The following KCNMB2 variants were observed in gnomAD, a reference collection of about 807,000 sequenced individuals.
KCNMB2 encodes potassium calcium-activated channel subfamily M regulatory beta subunit 2.
In KCNMB2, 9 loss-of-function variants were observed where a neutral mutation model predicts 24.5. That is an observed-to-expected ratio of 0.37 (90% CI 0.22 to 0.64). KCNMB2 has a LOEUF of 0.64. KCNMB2 is among the 30% of genes least tolerant of loss of function. KCNMB2 has a pLI of 0.63. For synonymous variants in KCNMB2, 109 were observed against 104.4 expected (o/e 1.04, Z -0.27); for missense variants, 226 against 284.3 (o/e 0.79, Z 1.47).
intron 1 of KCNMB2, among the ~76,000 whole-genome samples, chr3:178,801,169 CTAAA>C (rs1490298679): frequency 6.6e-6 from 1 of 151,866 alleles, no homozygotes; most frequent in Non-Finnish European, 1.5e-5. Flanking sequence ...TTTAAAATAA[CTAAA>C]AGAGTAATAA....
chr3:178,776,491 T>TA (rs2108426650), intron 1 of KCNMB2, among the ~76,000 whole-genome samples: 1 of 152,304 alleles, frequency 6.6e-6, no homozygotes, highest in Non-Finnish European at 1.5e-5. Context: ...AATATGTAAA[T>TA]ATGATCGAGT....
intron 1 of KCNMB2, among the ~76,000 whole-genome samples, chr3:178,585,401 CACTAG>C: frequency 6.6e-6 from 1 of 152,326 alleles, no homozygotes; most frequent in Middle Eastern, 3.4e-3. Context: ...CCATCCCTTT[CACTAG>C]ACTAGAGAAC....
intron 1 of KCNMB2, among the ~76,000 whole-genome samples, chr3:178,662,724 AT>A (rs1720578840): frequency 6.6e-6 from 1 of 152,152 alleles, no homozygotes; most frequent in African/African-American, 2.4e-5. Flanking sequence ...TAATTTAATG[AT>A]TTTTAATTAT....
intron 1 of KCNMB2, among the ~76,000 whole-genome samples, chr3:178,769,627 AT>A (rs1712263396): frequency 6.6e-6 from 1 of 152,220 alleles, no homozygotes; most frequent in African/African-American, 2.4e-5. Flanking sequence ...AAAAATGTTG[AT>A]TCTCCCCAAA....
intron 1 of KCNMB2, among the ~76,000 whole-genome samples, chr3:178,555,206 G>T (rs559845913): frequency 5.2e-4 from 79 of 152,274 alleles, no homozygotes; most frequent in Non-Finnish European, 8.8e-4. Context: ...AGACTGAACA[G>T]AACATCTTAC....
intron 1 of KCNMB2, among the ~76,000 whole-genome samples, chr3:178,566,928 A>G (rs1186592783): frequency 6.6e-6 from 1 of 152,232 alleles, no homozygotes; most frequent in African/African-American, 2.4e-5. Context: ...ATTGAGAAGC[A>G]TTCATTTAAA....
chr3:178,705,181 T>C (rs1271439599), intron 1 of KCNMB2, among the ~76,000 whole-genome samples: 2 of 152,098 alleles, frequency 1.3e-5, no homozygotes, highest in African/African-American at 4.8e-5. Context: ...TACATCCCTA[T>C]ACAGCCCTTC....
At chr3:178,692,012 A>C (rs1393335904) in intron 1 of KCNMB2, among the ~76,000 whole-genome samples, 1 of 152,008 alleles carries the variant, frequency 6.6e-6, no homozygotes, top group Non-Finnish European at 1.5e-5. Context: ...AATGATGTTG[A>C]GCTTTTCTTC....
chr3:178,568,470 A>G (rs1716604556), intron 1 of KCNMB2, among the ~76,000 whole-genome samples: 1 of 152,200 alleles, frequency 6.6e-6, no homozygotes, highest in Non-Finnish European at 1.5e-5. Context: ...CATAAATGCC[A>G]GTGATATCTT....
At chr3:178,615,786 C>T (rs1017219391) in intron 1 of KCNMB2, among the ~76,000 whole-genome samples, 2 of 152,290 alleles carry the variant, frequency 1.3e-5, no homozygotes, top group Admixed American at 1.3e-4. Context: ...TGTGCTGGAG[C>T]CTGAAGACAA....
At chr3:178,829,168 GT>G (rs1252826770) in intron 4 of KCNMB2, among the ~76,000 whole-genome samples, 1 of 152,062 alleles carries the variant, frequency 6.6e-6, no homozygotes, top group Non-Finnish European at 1.5e-5. Flanking sequence ...AATATATTGA[GT>G]TTTGGATTTG....
At chr3:178,616,191 C>T (rs1718699739) in intron 1 of KCNMB2, among the ~76,000 whole-genome samples, 1 of 152,136 alleles carries the variant, frequency 6.6e-6, no homozygotes, top group South Asian at 2.1e-4. Flanking sequence ...CTTAGTAAGT[C>T]GGGTGCCCCC....
chr3:178,744,914 T>C (rs1021231773), intron 1 of KCNMB2, among the ~76,000 whole-genome samples: 4 of 152,188 alleles, frequency 2.6e-5, no homozygotes, highest in South Asian at 2.1e-4. Flanking sequence ...TGGAAGGTAA[T>C]GGTGAACAAG....
At chr3:178,700,908 C>T (rs1722067957) in intron 1 of KCNMB2, among the ~76,000 whole-genome samples, 1 of 152,128 alleles carries the variant, frequency 6.6e-6, no homozygotes, top group African/African-American at 2.4e-5. Context: ...CTGTAGGTTG[C>T]CTGTTCACTC....
At chr3:178,539,852 A>C (rs1433222138) in intron 1 of KCNMB2, among the ~76,000 whole-genome samples, 2 of 152,004 alleles carry the variant, frequency 1.3e-5, no homozygotes, top group Non-Finnish European at 2.9e-5. Context: ...TAAACCTTTA[A>C]ATATTGGAGT....
At chr3:178,611,709 A>AAAACAAACAAAC (rs939774233) in intron 1 of KCNMB2, among the ~76,000 whole-genome samples, 6 of 152,064 alleles carry the variant, frequency 3.9e-5, no homozygotes, top group African/African-American at 1.2e-4. Flanking sequence ...TGTCTCACAA[A>AAAACAAACAAAC]AAACAAACAA....
intron 1 of KCNMB2, among the ~76,000 whole-genome samples, chr3:178,755,160 T>C (rs902870575): frequency 1.3e-5 from 2 of 152,138 alleles, no homozygotes; most frequent in Non-Finnish European, 2.9e-5. Flanking sequence ...CTCCTCCATC[T>C]GGGGCAGCAG....
chr3:178,616,554 G>A (rs916550193), intron 1 of KCNMB2, among the ~76,000 whole-genome samples: 6 of 152,292 alleles, frequency 3.9e-5, no homozygotes, highest in Admixed American at 6.5e-5. Flanking sequence ...GAGGAGGGGC[G>A]ACATCTACAA....
rs115931198 is a variant in KCNMB2, at chr3:178,715,618, G to A, written c.-67-91725G>A. Among the ~76,000 whole-genome samples the A allele has an allele frequency of 1.5e-3, 226 of 152,240 alleles. 2 individuals are homozygous for A. Among genetic ancestry groups the A allele is most frequent in the Non-Finnish European group, 2.3e-3 (154 of 68,020 alleles). The stretch of plus-strand genomic sequence containing the variant: ...GTTTCTGAGTCCTACTGTAAATCAA[G>A]CATATCTGGAAACCACACCATACTG... On this transcript the variant is annotated intron_variant, in intron 1 of 4. Coordinates refer to ENST00000452583, the MANE Select transcript of KCNMB2 (RefSeq NM_181361.3).
Sources: gnomAD v4.1 joint callset for allele counts (sites outside exome capture counted in the v4.1 genomes callset) on GRCh38, gnomAD v4.1.1 for gene constraint, MANE v1.5 for transcripts, NCBI Gene and HGNC (gene_info 2026-07-23, HGNC 2026-07-21) for gene names.